Variants in SEMA3D observed in about 807,000 individuals in gnomAD.
SEMA3D encodes semaphorin 3D.
A neutral mutation model predicts 100.1 loss-of-function variants in SEMA3D; 84 were observed. The observed-to-expected ratio is 0.84, with a 90% confidence interval of 0.70 to 1.01. The LOEUF (loss-of-function observed/expected upper bound fraction) is 1.01. SEMA3D is among the 50% of genes least tolerant of loss of function. SEMA3D has a pLI of 0.00. For missense variants in SEMA3D, 875 were observed against 934.1 expected (o/e 0.94, Z 0.82); for synonymous variants, 312 against 320.7 (o/e 0.97, Z 0.29).
chr7:85,099,407 T>C (rs568015061), intron 3 of SEMA3D, among the ~76,000 whole-genome samples: 2 of 152,102 alleles, frequency 1.3e-5, no homozygotes, highest in Non-Finnish European at 2.9e-5. Context: ...CCCTCTGCCA[T>C]GATTGCGAGG....
At chr7:85,224,633 C>T in the SEMA3D span, among the ~76,000 whole-genome samples, 1 of 152,088 alleles carries the variant, frequency 6.6e-6, no homozygotes, top group Non-Finnish European at 1.5e-5. Flanking sequence ...ATGTAACAAC[C>T]TTGTCATATC....
At chr7:85,144,300 G>T in intron 2 of SEMA3D, 1 of 215,564 alleles carries the variant, frequency 4.6e-6, no homozygotes, top group Non-Finnish European at 7.9e-6. Context: ...TACTCAAGTT[G>T]TTTCAAACAA....
At chr7:85,049,771 A>G (rs1411784999) in intron 9 of SEMA3D, among the ~76,000 whole-genome samples, 1 of 151,886 alleles carries the variant, frequency 6.6e-6, no homozygotes, top group African/African-American at 2.4e-5. Context: ...AAAATAGACA[A>G]TGCAAGTGGA....
chr7:85,185,638 C>G (rs1479341040), intron 1 of SEMA3D, among the ~76,000 whole-genome samples: 1 of 152,202 alleles, frequency 6.6e-6, no homozygotes, highest in Non-Finnish European at 1.5e-5. Context: ...CTTCCAGTCC[C>G]CTGGATCCCA....
chr7:85,079,498 G>C (rs2116224391), intron 5 of SEMA3D, among the ~76,000 whole-genome samples: 1 of 152,264 alleles, frequency 6.6e-6, no homozygotes, highest in South Asian at 2.1e-4. Context: ...GGAATAATAT[G>C]TTCTATATAC....
intron 1 of SEMA3D, chr7:85,167,565 A>G (rs1790942686): frequency 5.6e-6 from 1 of 177,242 alleles, no homozygotes; most frequent in Non-Finnish European, 1.1e-5. Flanking sequence ...CATTATAAGC[A>G]TTCAAGGTCT....
At chr7:85,159,096 T>G (rs1790676211) in intron 1 of SEMA3D, among the ~76,000 whole-genome samples, 1 of 152,164 alleles carries the variant, frequency 6.6e-6, no homozygotes. Flanking sequence ...GTCTGTTTTT[T>G]CCTCATACTT....
chr7:85,057,670 C>T (rs927344999), intron 8 of SEMA3D, among the ~76,000 whole-genome samples: 8 of 152,078 alleles, frequency 5.3e-5, no homozygotes, highest in Admixed American at 2.0e-4. Context: ...TGGTGGCTCA[C>T]GCTTATAATC....
At chr7:85,139,189 C>T (rs1395729054) in intron 2 of SEMA3D, among the ~76,000 whole-genome samples, 1 of 151,908 alleles carries the variant, frequency 6.6e-6, no homozygotes, top group Non-Finnish European at 1.5e-5. Flanking sequence ...GTAAAATCTA[C>T]TTGTGGAGAA....
At chr7:85,164,680 GCCACTTTT>G (rs1236838960) in intron 1 of SEMA3D, among the ~76,000 whole-genome samples, 25 of 152,080 alleles carry the variant, frequency 1.6e-4, no homozygotes. Context: ...CTGAATGTCA[GCCACTTTT>G]GTGGCACACA....
At chr7:85,081,418 A>G (rs974177372) in intron 5 of SEMA3D, 99 bp downstream of exon 5, 2 of 721,160 alleles carry the variant, frequency 2.8e-6, no homozygotes, top group African/African-American at 3.5e-5. Flanking sequence ...TCTGAAAAAT[A>G]ATACACTAAT....
At chr7:85,181,313 G>A (rs1257210104) in intron 1 of SEMA3D, among the ~76,000 whole-genome samples, 1 of 104,320 alleles carries the variant, frequency 9.6e-6, no homozygotes. Flanking sequence ...ATAAAGACAT[G>A]CTCACAACAC....
Position 85,065,416 on chromosome 7 carries a change from T to C in SEMA3D, c.718+8A>G, listed in dbSNP as rs762447723. On this transcript the variant is annotated splice_region_variant and intron_variant, in intron 8 of 18. Coordinates refer to ENST00000284136, the MANE Select transcript of SEMA3D (RefSeq NM_001384900.1). ...ACAATCAAAAGTAAACAAAAAAAAA[T>C]CACAAACCATTGAGCCAGTAGTGCT... 6.2e-7 allele frequency: 1 copy of C among 1,611,352 alleles called. No homozygotes were observed. The highest frequency in any genetic ancestry group is 2.2e-5 in the East Asian group (1 of 44,796).
intron 1 of SEMA3D, among the ~76,000 whole-genome samples, chr7:85,159,406 T>C (rs939868624): frequency 3.9e-5 from 6 of 152,152 alleles, no homozygotes; most frequent in Non-Finnish European, 5.9e-5. Context: ...AATTTTCCTC[T>C]AACTCTAGTC....
chr7:85,171,332 C>T (rs1220054798), intron 1 of SEMA3D, among the ~76,000 whole-genome samples: 2 of 151,854 alleles, frequency 1.3e-5, no homozygotes, highest in Non-Finnish European at 2.9e-5. Context: ...TGAACAAAGT[C>T]TATAGAGAGA....
At position 84,999,883 on chromosome 7, in the gene SEMA3D, T is replaced by C. The variant is rs199686765; in HGVS notation, c.1909-18A>G. 5 of 1,605,070 alleles carry C rather than the reference T, an allele frequency of 3.1e-6. No homozygotes were observed. The highest frequency in any genetic ancestry group is 1.7e-5 in the Admixed American group (1 of 59,486). The stretch of plus-strand genomic sequence containing the variant: ...GGCTTCAACTGCAGAATTGGAAAAA[T>C]GTAGGTAATAAATTAAACACAGAGA... On this transcript the variant is annotated intron_variant, in intron 18 of 18. Transcript: ENST00000284136.
At chr7:85,137,091 C>A (rs1434139914) in intron 2 of SEMA3D, among the ~76,000 whole-genome samples, 1 of 151,798 alleles carries the variant, frequency 6.6e-6, no homozygotes, top group Non-Finnish European at 1.5e-5. Flanking sequence ...AGAGATTAAC[C>A]TTTTTGACTT....
intron 9 of SEMA3D, among the ~76,000 whole-genome samples, chr7:85,044,169 T>C (rs901179954): frequency 7.9e-5 from 12 of 152,092 alleles, no homozygotes; most frequent in Admixed American, 2.0e-4. Context: ...AGAAACTTTC[T>C]TCTTTTATCT....
At chr7:85,061,430 CT>C (rs891773747) in intron 8 of SEMA3D, among the ~76,000 whole-genome samples, 2 of 152,136 alleles carry the variant, frequency 1.3e-5, no homozygotes, top group African/African-American at 4.8e-5. Flanking sequence ...TTTAAACCCC[CT>C]AAGTGCTTCG....
Sources: gnomAD v4.1 joint callset for allele counts (sites outside exome capture counted in the v4.1 genomes callset) on GRCh38, gnomAD v4.1.1 for gene constraint, MANE v1.5 for transcripts, NCBI Gene and HGNC (gene_info 2026-07-23, HGNC 2026-07-21) for gene names.